Variants in NLGN1 observed in about 807,000 individuals in gnomAD.
The protein encoded by NLGN1 is neuroligin-1.
NLGN1 carries 12 observed loss-of-function variants against 65.5 expected under a neutral mutation model. That is an observed-to-expected ratio of 0.18 (90% CI 0.12 to 0.30). The LOEUF (loss-of-function observed/expected upper bound fraction) is 0.30, where lower values mean the gene tolerates loss of function less well. Among genes scored for constraint, NLGN1 ranks in the 10% least tolerant of loss-of-function variants. The pLI, the probability that NLGN1 is intolerant of heterozygous loss-of-function variation, is 1.00. For missense variants in NLGN1, 750 were observed against 1,007.1 expected (o/e 0.74, Z 3.46); for synonymous variants, 350 against 359.5 (o/e 0.97, Z 0.30).
chr3:173,414,045 A>G (rs1248397218), intron 1 of NLGN1, among the ~76,000 whole-genome samples: 1 of 152,200 alleles, frequency 6.6e-6, no homozygotes, highest in African/African-American at 2.4e-5. Context: ...AAGGTACCCC[A>G]AAGTGCCTCC....
At chr3:174,098,775 T>G (rs1711692591) in intron 4 of NLGN1, among the ~76,000 whole-genome samples, 1 of 152,150 alleles carries the variant, frequency 6.6e-6, no homozygotes, top group African/African-American at 2.4e-5. Flanking sequence ...AAGAGTATAA[T>G]CGATTAAACT....
chr3:173,410,807 A>C (rs1712385391), intron 1 of NLGN1, among the ~76,000 whole-genome samples: 1 of 152,260 alleles, frequency 6.6e-6, no homozygotes, highest in African/African-American at 2.4e-5. Context: ...TAAAAAAATT[A>C]AATTTATCCC....
chr3:173,438,048 T>C (rs1443801811), intron 2 of NLGN1, among the ~76,000 whole-genome samples: 1 of 152,182 alleles, frequency 6.6e-6, no homozygotes, highest in Non-Finnish European at 1.5e-5. Flanking sequence ...GCAGATTTAT[T>C]ATCAAGGGAA....
intron 4 of NLGN1, among the ~76,000 whole-genome samples, chr3:174,219,249 G>A (rs1438243618): frequency 6.6e-6 from 1 of 152,086 alleles, no homozygotes; most frequent in Non-Finnish European, 1.5e-5. Context: ...GCAGTAAAGT[G>A]GGGATGGCAA....
intron 4 of NLGN1, among the ~76,000 whole-genome samples, chr3:174,153,032 C>T (rs375711533): frequency 5.1e-4 from 78 of 152,168 alleles, no homozygotes; most frequent in African/African-American, 1.5e-3. Flanking sequence ...ACTTTACTTC[C>T]TGCCTCCCAT....
chr3:173,956,231 T>A (rs1712001154), intron 4 of NLGN1, among the ~76,000 whole-genome samples: 2 of 152,062 alleles, frequency 1.3e-5, no homozygotes, highest in Non-Finnish European at 2.9e-5. Flanking sequence ...ACACAGCAAA[T>A]TAGCAGTGAA....
chr3:174,226,654 T>C (rs1053999746), intron 4 of NLGN1, among the ~76,000 whole-genome samples: 5 of 152,176 alleles, frequency 3.3e-5, no homozygotes, highest in African/African-American at 1.2e-4. Flanking sequence ...TCCTCTACTT[T>C]TTAAGTATTT....
chr3:173,570,892 T>C (rs1476011348), intron 2 of NLGN1, among the ~76,000 whole-genome samples: 4 of 152,044 alleles, frequency 2.6e-5, no homozygotes, highest in Non-Finnish European at 2.9e-5. Flanking sequence ...TTAGTAGAGA[T>C]GGGGTTTCAC....
intron 3 of NLGN1, among the ~76,000 whole-genome samples, chr3:173,722,975 C>A (rs1578128905): frequency 6.6e-6 from 1 of 152,106 alleles, no homozygotes; most frequent in African/African-American, 2.4e-5. Flanking sequence ...CAGAGAAGAT[C>A]TCCTTGATAA....
chr3:173,600,975 G>A (rs1750437211), intron 2 of NLGN1, among the ~76,000 whole-genome samples: 2 of 151,922 alleles, frequency 1.3e-5, no homozygotes, highest in Non-Finnish European at 2.9e-5. Flanking sequence ...ATGAATTAAT[G>A]TAAGGGAGAA....
chr3:174,251,287 C>T (rs550092771), intron 4 of NLGN1, among the ~76,000 whole-genome samples: 1 of 152,198 alleles, frequency 6.6e-6, no homozygotes, highest in East Asian at 1.9e-4. Flanking sequence ...GATAGCCTTC[C>T]TTAATATTTA....
chr3:173,511,510 G>A (rs1425728113), intron 2 of NLGN1, among the ~76,000 whole-genome samples: 3 of 152,194 alleles, frequency 2.0e-5, no homozygotes, highest in African/African-American at 7.2e-5. Context: ...TTGATCTGAA[G>A]TTTGGACATT....
At chr3:173,888,265 A>C (rs1734719617) in intron 4 of NLGN1, among the ~76,000 whole-genome samples, 1 of 151,996 alleles carries the variant, frequency 6.6e-6, no homozygotes, top group Admixed American at 6.6e-5. Flanking sequence ...CCCCAGAGAT[A>C]CCAAAATCCT....
intron 4 of NLGN1, among the ~76,000 whole-genome samples, chr3:173,945,712 T>A (rs1747017751): frequency 6.6e-6 from 1 of 152,180 alleles, no homozygotes; most frequent in South Asian, 2.1e-4. Context: ...TTTTCCCCAC[T>A]CGCATTTATG....
intron 4 of NLGN1, among the ~76,000 whole-genome samples, chr3:174,162,016 C>T (rs896983402): frequency 3.3e-5 from 5 of 151,748 alleles, no homozygotes; most frequent in East Asian, 1.9e-4. Flanking sequence ...ATATAGGAAT[C>T]GTCACCATTA....
At chr3:174,042,304 A>G (rs1732513703) in intron 4 of NLGN1, among the ~76,000 whole-genome samples, 1 of 152,120 alleles carries the variant, frequency 6.6e-6, no homozygotes, top group Non-Finnish European at 1.5e-5. Context: ...TCCAAGCCAT[A>G]CAGGTATCCC....
chr3:173,712,111 C>T (rs147316525), intron 3 of NLGN1, among the ~76,000 whole-genome samples: 126 of 152,308 alleles, frequency 8.3e-4, no homozygotes, highest in African/African-American at 2.9e-3. Context: ...ACTTCTATGA[C>T]TGCTTCATAA....
At chr3:174,043,740 G>A (rs528250004) in intron 4 of NLGN1, among the ~76,000 whole-genome samples, 1 of 152,346 alleles carries the variant, frequency 6.6e-6, no homozygotes, top group East Asian at 1.9e-4. Context: ...CAGGCACACA[G>A]TGCAAGCTGT....
At chr3:173,520,321 C>T (rs1734547710) in intron 2 of NLGN1, among the ~76,000 whole-genome samples, 1 of 152,050 alleles carries the variant, frequency 6.6e-6, no homozygotes, top group Admixed American at 6.6e-5. Context: ...TGTACTTAGT[C>T]CAATATAACA....
Sources: allele counts gnomAD v4.1 joint callset (sites outside exome capture counted in the v4.1 genomes callset), GRCh38; gene constraint gnomAD v4.1.1; transcripts MANE v1.5; gene names NCBI Gene and HGNC (gene_info 2026-07-23, HGNC 2026-07-21).